Variants in TNR observed in about 807,000 individuals in gnomAD.
The protein encoded by TNR is tenascin-R.
In TNR, 45 loss-of-function variants were observed where a neutral mutation model predicts 150.4. The observed-to-expected ratio is 0.30, with a 90% CI of 0.24 to 0.38. The LOEUF (loss-of-function observed/expected upper bound fraction) is 0.38, where lower values mean the gene tolerates loss of function less well. TNR is among the 10% of genes least tolerant of loss of function. TNR has a pLI of 1.00. For missense variants in TNR, 1,544 were observed against 1,759.1 expected (o/e 0.88, Z 2.19); for synonymous variants, 687 against 678.4 (o/e 1.01, Z -0.20).
rs373857748 is a variant in TNR at position 175,336,482 on chromosome 1, A to G, written c.3535-675T>C. Among the ~76,000 whole-genome samples, 63 of 152,348 alleles carry G rather than the reference A, an allele frequency of 4.1e-4. 1 individual carries two copies. The East Asian group carries it at 0.012, about 28-fold the overall frequency. ...CACTGTTAGCAGAGCGAGAGAGGGC[A>G]TCCAAAGAAGGGCGGAGGGGCTGGT... On this transcript the variant is annotated intron_variant, in intron 19 of 22. Coordinates refer to ENST00000367674, the MANE Select transcript of TNR (RefSeq NM_003285.3).
chr1:175,651,460 T>A (rs182014566), intron 1 of TNR, among the ~76,000 whole-genome samples: 6 of 152,028 alleles, frequency 3.9e-5, no homozygotes, highest in East Asian at 1.9e-4. Context: ...CAGACATTTT[T>A]AAAAAAATAG....
chr1:175,592,640 A>C (rs1662845276), intron 1 of TNR, among the ~76,000 whole-genome samples: 1 of 151,998 alleles, frequency 6.6e-6, no homozygotes, highest in Non-Finnish European at 1.5e-5. Flanking sequence ...TCACAGTTTC[A>C]CTCTGCTGTT....
chr1:175,353,740 G>A (rs903389659), intron 18 of TNR, among the ~76,000 whole-genome samples: 9 of 152,186 alleles, frequency 5.9e-5, no homozygotes, highest in African/African-American at 2.2e-4. Context: ...TACTAAGTGA[G>A]TCTCTGATTA....
chr1:175,359,139 C>CTTTTTTTTTTTTTTT (rs758610631), intron 15 of TNR, among the ~76,000 whole-genome samples: 1,116 of 42,138 alleles, frequency 0.026, 370 homozygotes, highest in Non-Finnish European at 0.036. Context: ...GGGATATCTT[C>CTTTTTTTTTTTTTTT]TTTTTTTTTT....
In TNR at chr1:175,403,277, G is replaced by T. The variant is rs757942972; in HGVS notation, c.839C>A (p.Thr280Asn). Residue 280 changes from threonine to asparagine, a missense_variant, in exon 4 of 23, where the codon ACC (threonine) becomes AAC (asparagine). Thr to Asn is a moderately conservative substitution (Grantham distance 65, BLOSUM62 0). Transcript: ENST00000367674. The part of the protein sequence containing the change: ...CSGKGRCANG[T>N]CLCEEGYVGE... ...AACGTAGCCCTCCTCGCATAAACAG[G>T]TACCGTTGGCACATCTCCCCTTCCC... is the stretch of plus-strand genomic sequence containing the variant. The T allele has an allele frequency of 1.5e-5, 24 of 1,613,962 alleles. No homozygotes were observed. Among genetic ancestry groups the T allele is most frequent in the Admixed American group, 3.3e-5 (2 of 59,992 alleles).
chr1:175,577,378 T>A (rs903915093), intron 1 of TNR, among the ~76,000 whole-genome samples: 2 of 152,208 alleles, frequency 1.3e-5, no homozygotes, highest in Non-Finnish European at 2.9e-5. Flanking sequence ...CCAAGTGACC[T>A]GAGGATTCCC....
At chr1:175,511,431 C>T (rs147195091) in intron 2 of TNR, among the ~76,000 whole-genome samples, 79 of 152,168 alleles carry the variant, frequency 5.2e-4, no homozygotes, top group African/African-American at 1.8e-3. Context: ...AAGACATGAG[C>T]CCTGTAATAT....
At chr1:175,448,897 G>T (rs567944612) in intron 2 of TNR, among the ~76,000 whole-genome samples, 12 of 152,202 alleles carry the variant, frequency 7.9e-5, no homozygotes, top group Non-Finnish European at 1.8e-4. Flanking sequence ...GGTCTGGTCT[G>T]ATCCTGCACC....
At position 175,386,065 on chromosome 1, in the gene TNR, CGTT is replaced by C; in HGVS notation, c.1741_1743del (p.Asn581del). 1.2e-6 allele frequency: 2 copies of C among 1,605,684 alleles called. No individual in the cohort carries two copies. Among genetic ancestry groups the C allele is most frequent in the Non-Finnish European group, 1.7e-6 (2 of 1,174,446 alleles). ...AACTGAGTGGTGGCAGAATCGCTCT[CGTT>C]GGTCCCTCGGACGGCACTGACTGAC... On this transcript the variant is annotated inframe_deletion, in exon 8 of 23. Transcript: ENST00000367674.
intron 1 of TNR, among the ~76,000 whole-genome samples, chr1:175,666,718 G>A (rs773042421): frequency 3.3e-5 from 5 of 152,146 alleles, no homozygotes; most frequent in South Asian, 4.1e-4. Flanking sequence ...CCTTGCTTTC[G>A]AATCAAAACT....
intron 1 of TNR, among the ~76,000 whole-genome samples, chr1:175,687,590 A>G (rs1362496688): frequency 1.3e-5 from 2 of 152,116 alleles, no homozygotes; most frequent in Admixed American, 1.3e-4. Context: ...TTCTAGACAT[A>G]GTTAACCCCG....
intron 1 of TNR, among the ~76,000 whole-genome samples, chr1:175,627,275 TTGAC>T (rs1477926985): frequency 6.6e-6 from 1 of 152,214 alleles, no homozygotes; most frequent in Non-Finnish European, 1.5e-5. Flanking sequence ...TGTTCAAACT[TTGAC>T]TGTTTCTTAC....
intron 1 of TNR, among the ~76,000 whole-genome samples, chr1:175,649,037 A>G (rs780916406): frequency 2.6e-5 from 4 of 152,040 alleles, no homozygotes; most frequent in African/African-American, 4.8e-5. Context: ...ATTCCTCCCC[A>G]TAGCCGGAGG....
Position 175,362,911 on chromosome 1 carries a change from C to T in TNR, c.2708-102G>A, listed in dbSNP as rs561522147. On this transcript the variant is annotated intron_variant, in intron 13 of 22. Transcript: ENST00000367674. The stretch of plus-strand genomic sequence containing the variant: ...TAAAGCACAGATGGGTGTGGGACTC[C>T]GCACTCAGTGGGGAGGGATGATACA... The T allele has an allele frequency of 2.6e-3, 3,660 of 1,405,960 alleles. 11 individuals are homozygous for T. The highest frequency in any genetic ancestry group is 3.1e-3 in the Non-Finnish European group (3,182 of 1,012,820). 87.1% of individuals were successfully genotyped at this position (1,405,960 alleles called of 1,614,324 possible).
chr1:175,513,207 C>G (rs548242928), intron 2 of TNR, among the ~76,000 whole-genome samples: 69 of 152,202 alleles, frequency 4.5e-4, no homozygotes, highest in African/African-American at 1.6e-3. Context: ...TCTGTCTTCC[C>G]CACTACACTG....
chr1:175,356,281 C>T (rs566266805), intron 16 of TNR, 38 bp downstream of exon 16: 3 of 1,610,884 alleles, frequency 1.9e-6, no homozygotes, highest in South Asian at 2.2e-5. Flanking sequence ...CCACAAAAGT[C>T]CCCAGGGATA....
At position 175,677,863 on chromosome 1, in the gene TNR, T is replaced by A. The variant is rs150810542; in HGVS notation, c.-165+65363A>T. Among the ~76,000 whole-genome samples, 409 of 151,982 alleles carry A rather than the reference T, an allele frequency of 2.7e-3. 1 individual carries two copies. The highest frequency in any genetic ancestry group is 9.3e-3 in the African/African-American group (385 of 41,446). On this transcript the variant is annotated intron_variant, in intron 1 of 22. Transcript: ENST00000367674. ...TGAAAACGGCAAAGGGCTACCGAAA[T>A]GAAAGGTGTTTTTATTAAGTAGAGA... is the stretch of plus-strand genomic sequence containing the variant.
At chr1:175,374,392 G>A (rs1414291450) in intron 9 of TNR, among the ~76,000 whole-genome samples, 7 of 152,198 alleles carry the variant, frequency 4.6e-5, no homozygotes, top group Admixed American at 3.9e-4. Context: ...GTGAGGGTAT[G>A]TGAAAGTGTA....
chr1:175,449,329 C>T (rs1656204131), intron 2 of TNR, among the ~76,000 whole-genome samples: 1 of 152,182 alleles, frequency 6.6e-6, no homozygotes, highest in Non-Finnish European at 1.5e-5. Context: ...CACATACAAA[C>T]AAACACACAC....
Sources: allele counts gnomAD v4.1 joint callset (sites outside exome capture counted in the v4.1 genomes callset), GRCh38; gene constraint gnomAD v4.1.1; transcripts MANE v1.5; gene names NCBI Gene and HGNC (gene_info 2026-07-23, HGNC 2026-07-21).